MAGI1: variants seen among roughly 807,000 people sequenced by gnomAD.
The protein encoded by MAGI1 is membrane associated guanylate kinase, WW and PDZ domain containing 1.
MAGI1 carries 58 observed loss-of-function variants against 139.9 expected under a neutral mutation model. The ratio of observed to expected loss-of-function variants is 0.41; its 90% CI spans 0.34 to 0.52. MAGI1 has a LOEUF of 0.52. Ranked by LOEUF, MAGI1 falls within the 20% of genes least tolerant of loss-of-function variation. The pLI is 0.12. For missense variants in MAGI1, 1,874 were observed against 1,901.6 expected (o/e 0.99, Z 0.27); for synonymous variants, 812 against 737.9 (o/e 1.10, Z -1.63).
At chr3:65,962,275 T>C (rs1277418370) in intron 1 of MAGI1, among the ~76,000 whole-genome samples, 1 of 151,690 alleles carries the variant, frequency 6.6e-6, no homozygotes, top group East Asian at 2.0e-4. Context: ...CCCGCCACCA[T>C]GCCCGGCTAA....
At chr3:65,756,084 TTAAAAA>T (rs1176265651) in intron 1 of MAGI1, among the ~76,000 whole-genome samples, 3 of 152,168 alleles carry the variant, frequency 2.0e-5, no homozygotes, top group African/African-American at 7.2e-5. Context: ...GTTCGTGAAG[TTAAAAA>T]TTATCGTGTC....
At chr3:65,928,032 CT>C (rs1007748095) in intron 1 of MAGI1, among the ~76,000 whole-genome samples, 1 of 152,018 alleles carries the variant, frequency 6.6e-6, no homozygotes, top group Non-Finnish European at 1.5e-5. Flanking sequence ...TCACTCTGTT[CT>C]TTTTTTTCTT....
At chr3:65,804,338 A>G (rs1162885462) in intron 1 of MAGI1, among the ~76,000 whole-genome samples, 1 of 151,718 alleles carries the variant, frequency 6.6e-6, no homozygotes, top group Non-Finnish European at 1.5e-5. Context: ...TTTTCAGATA[A>G]CATCACTGAC....
At chr3:65,634,161 G>A (rs781730577) in intron 1 of MAGI1, among the ~76,000 whole-genome samples, 6 of 152,182 alleles carry the variant, frequency 3.9e-5, no homozygotes, top group African/African-American at 1.4e-4. Context: ...AGCAACAGAG[G>A]AGACGGGACT....
At chr3:65,927,284 C>T (rs923421133) in intron 1 of MAGI1, among the ~76,000 whole-genome samples, 1 of 152,158 alleles carries the variant, frequency 6.6e-6, no homozygotes, top group Non-Finnish European at 1.5e-5. Flanking sequence ...GACCCCTTTC[C>T]GGTAACAACT....
At chr3:65,989,606 C>T (rs1015549567) in intron 1 of MAGI1, among the ~76,000 whole-genome samples, 5 of 151,600 alleles carry the variant, frequency 3.3e-5, no homozygotes, top group Admixed American at 6.5e-5. Context: ...GGCATGATCT[C>T]GGCTCACTGC....
intron 1 of MAGI1, among the ~76,000 whole-genome samples, chr3:65,671,883 A>C (rs1172803335): frequency 1.3e-5 from 2 of 152,148 alleles, no homozygotes; most frequent in Non-Finnish European, 2.9e-5. Context: ...TCCAATCCTC[A>C]TAAGGAAATC....
intron 12 of MAGI1, among the ~76,000 whole-genome samples, chr3:65,425,676 A>T (rs563803190): frequency 5.9e-5 from 9 of 152,320 alleles, no homozygotes; most frequent in Admixed American, 2.0e-4. Flanking sequence ...AGTAAAACAT[A>T]GGATCTTCAC....
intron 14 of MAGI1, among the ~76,000 whole-genome samples, chr3:65,387,814 T>G (rs774853940): frequency 2.0e-5 from 3 of 152,238 alleles, no homozygotes; most frequent in Non-Finnish European, 4.4e-5. Flanking sequence ...AAGCTCACTA[T>G]GATAAAGAAG....
intron 1 of MAGI1, among the ~76,000 whole-genome samples, chr3:65,963,559 T>C (rs1233696290): frequency 6.6e-6 from 1 of 152,112 alleles, no homozygotes; most frequent in Non-Finnish European, 1.5e-5. Flanking sequence ...GAGGTTGTAG[T>C]GAGCCAAGAT....
At chr3:65,596,957 G>A (rs1387510585) in intron 2 of MAGI1, among the ~76,000 whole-genome samples, 2 of 152,124 alleles carry the variant, frequency 1.3e-5, no homozygotes, top group Non-Finnish European at 2.9e-5. Flanking sequence ...ATAGGAAAAC[G>A]GACAGAGGAG....
At chr3:65,800,159 G>C (rs1339670404) in intron 1 of MAGI1, among the ~76,000 whole-genome samples, 1 of 152,146 alleles carries the variant, frequency 6.6e-6, no homozygotes, top group Non-Finnish European at 1.5e-5. Context: ...GTGGCGAACA[G>C]GTGACTTAAC....
rs147642687 is a variant in MAGI1 at position 65,982,249 on chromosome 3, C to G, written c.313+55747G>C. On this transcript the variant is annotated intron_variant, in intron 1 of 22. Coordinates refer to ENST00000402939, the MANE Select transcript of MAGI1 (RefSeq NM_001033057.2). Reference sequence around the variant, plus strand: ...GACTTAGGAAGAAGGCTTCCATGATCCTCTCAGCCTGAGACTGGCCTGGGG... The same window carrying G: ...GACTTAGGAAGAAGGCTTCCATGATGCTCTCAGCCTGAGACTGGCCTGGGG... Among the ~76,000 whole-genome samples the G allele has an allele frequency of 1.1e-3, 168 of 152,360 alleles. 2 individuals carry two copies. In the Middle Eastern group the frequency reaches 0.024, roughly 22 times the overall value.
chr3:65,552,111 C>T (rs2079863231), intron 2 of MAGI1, among the ~76,000 whole-genome samples: 1 of 152,156 alleles, frequency 6.6e-6, no homozygotes, highest in Non-Finnish European at 1.5e-5. Flanking sequence ...TAGTACACGG[C>T]ATTCCTGCTG....
intron 2 of MAGI1, among the ~76,000 whole-genome samples, chr3:65,526,848 C>T (rs1576189188): frequency 6.6e-6 from 1 of 152,240 alleles, no homozygotes; most frequent in East Asian, 1.9e-4. Context: ...GGTCATCCAA[C>T]CCACAGCTGT....
intron 1 of MAGI1, among the ~76,000 whole-genome samples, chr3:65,855,587 G>A (rs910590233): frequency 1.0e-5 from 1 of 95,602 alleles, no homozygotes; most frequent in African/African-American, 4.4e-5. Context: ...GGGCAACAGA[G>A]TAAGACCTTG....
intron 2 of MAGI1, among the ~76,000 whole-genome samples, chr3:65,508,465 G>T (rs1026301803): frequency 6.6e-6 from 1 of 151,996 alleles, no homozygotes; most frequent in Non-Finnish European, 1.5e-5. Context: ...AAGTTACTTT[G>T]AATTATTATG....
chr3:65,468,448 T>G (rs1950325091), intron 5 of MAGI1, among the ~76,000 whole-genome samples: 1 of 134,914 alleles, frequency 7.4e-6, no homozygotes, highest in Non-Finnish European at 1.5e-5. Flanking sequence ...CAATCTCGGC[T>G]CACTGCAACC....
chr3:65,937,285 CA>C (rs534878714), intron 1 of MAGI1, among the ~76,000 whole-genome samples: 72 of 111,494 alleles, frequency 6.5e-4, no homozygotes, highest in African/African-American at 3.0e-3. Context: ...AGACCTCAGC[CA>C]GCCCCACCCT....
Sources: gnomAD v4.1 joint callset for allele counts (sites outside exome capture counted in the v4.1 genomes callset) on GRCh38, gnomAD v4.1.1 for gene constraint, MANE v1.5 for transcripts, NCBI Gene and HGNC (gene_info 2026-07-23, HGNC 2026-07-21) for gene names.